Variants in DST observed in about 807,000 individuals in gnomAD.
DST encodes dystonin.
Under a neutral mutation model 875.2 loss-of-function variants are expected in DST, and 253 were observed. The ratio of observed to expected loss-of-function variants is 0.29; its 90% CI spans 0.26 to 0.32. The LOEUF is 0.32. DST is among the 10% of genes least tolerant of loss of function. DST has a pLI of 1.00. For missense variants in DST, 8,287 were observed against 9,111.6 expected, an observed-to-expected ratio of 0.91 and a Z score of 3.68; for synonymous variants, 3,124 against 3,197.1, an observed-to-expected ratio of 0.98 and a Z score of 0.77.
rs1300112254 is a variant in DST, at chr6:56,604,061, CCAT to C, written c.10564_10566del (p.Met3522del). 6.3e-7 allele frequency: 1 copy of C among 1,584,900 alleles called. No homozygotes were observed. Among genetic ancestry groups the C allele is most frequent in the South Asian group, 1.1e-5 (1 of 87,720 alleles). ...TCACCAAGAATATGTGGCTTTTCTT[CCAT>C]CATCTCAGATGTAGAACATGCTTTT... On this transcript the variant is annotated inframe_deletion, in exon 40 of 104. Transcript: ENST00000680361.
At position 56,907,092 on chromosome 6, in the gene DST, G is replaced by C. The variant is rs888051718; in HGVS notation, c.217-6471C>G. Among the ~76,000 whole-genome samples the C allele has an allele frequency of 2.6e-5, 4 of 152,244 alleles. No homozygotes were observed. In the East Asian group the frequency reaches 7.7e-4, roughly 29 times the overall value. The stretch of plus-strand genomic sequence containing the variant: ...GAATTCAAATTTCTCTGCTTGGACT[G>C]TGAATATTACATGGAGGCAAGTAAA... On this transcript the variant is annotated intron_variant, in intron 2 of 103. Coordinates refer to ENST00000680361, the MANE Select transcript of DST (RefSeq NM_001374736.1).
At chr6:56,742,335 C>G in intron 4 of DST, 1 of 1,289,770 alleles carries the variant, frequency 7.8e-7, no homozygotes, top group Non-Finnish European at 1.0e-6. Context: ...TGAGCTGCCC[C>G]ATCATTCTGC....
intron 4 of DST, among the ~76,000 whole-genome samples, chr6:56,737,593 T>A (rs1023953000): frequency 6.6e-6 from 1 of 152,216 alleles, no homozygotes; most frequent in Non-Finnish European, 1.5e-5. Context: ...ATTCTAATCA[T>A]CACGGAAATT....
intron 45 of DST, among the ~76,000 whole-genome samples, chr6:56,599,401 T>C (rs1007026666): frequency 6.6e-6 from 1 of 152,080 alleles, no homozygotes; most frequent in East Asian, 1.9e-4. Flanking sequence ...TTGAAAGAAA[T>C]CCTATTAATT....
At chr6:56,724,736 A>T (rs1170352170) in intron 5 of DST, among the ~76,000 whole-genome samples, 1 of 152,192 alleles carries the variant, frequency 6.6e-6, no homozygotes, top group East Asian at 1.9e-4. Context: ...CACATTCCTT[A>T]TTTAGAGCTC....
intron 4 of DST, among the ~76,000 whole-genome samples, chr6:56,814,657 C>T (rs934989719): frequency 3.3e-5 from 5 of 152,268 alleles, no homozygotes; most frequent in East Asian, 1.9e-4. Context: ...AATTGCACCA[C>T]GCCACAGAAC....
chr6:56,767,709 G>T (rs2099637573), intron 4 of DST, among the ~76,000 whole-genome samples: 1 of 152,016 alleles, frequency 6.6e-6, no homozygotes, highest in Admixed American at 6.6e-5. Flanking sequence ...ATAAAACAGA[G>T]CAGGTTAAGA....
chr6:56,921,802 T>C (rs1292861949), intron 2 of DST, among the ~76,000 whole-genome samples: 1 of 152,166 alleles, frequency 6.6e-6, no homozygotes, highest in Admixed American at 6.6e-5. Flanking sequence ...AAGGATCTTT[T>C]TGTTATTTCG....
In DST at chr6:56,532,488, T is replaced by C. The variant is rs1287323159; in HGVS notation, c.16964A>G (p.Asp5655Gly). ...GATTACCTCCACCGTAGATTTTCGG[T>C]CATCCAACAATCTCTGGAGAAGCTT... Reference protein sequence around the residue: ...EQKLLQRLLDDRKSTVEVIKR... With the variant: ...EQKLLQRLLDGRKSTVEVIKR... The change falls in exon 64 of 104, where the codon GAC becomes GGC. Residue 5655 changes from aspartate to glycine, a missense_variant. This residue lies in a region of DST where 777 missense variants were observed against 764.8 expected (regional missense o/e 1.02). Coordinates refer to ENST00000680361, the MANE Select transcript of DST (RefSeq NM_001374736.1). 6.2e-7 allele frequency: 1 copy of C among 1,603,742 alleles called. No individual in the cohort carries two copies.
intron 4 of DST, among the ~76,000 whole-genome samples, chr6:56,793,253 T>G (rs913783177): frequency 1.3e-5 from 2 of 152,006 alleles, no homozygotes; most frequent in Non-Finnish European, 2.9e-5. Context: ...TTCTTAGAGT[T>G]GAAAATGGTA....
intron 4 of DST, among the ~76,000 whole-genome samples, chr6:56,809,552 A>G (rs1484574699): frequency 6.6e-6 from 1 of 152,234 alleles, no homozygotes; most frequent in African/African-American, 2.4e-5. Context: ...GCAATATACT[A>G]TCTCTCATAG....
chr6:56,612,953 T>G (rs991292571), intron 37 of DST, among the ~76,000 whole-genome samples: 1 of 152,056 alleles, frequency 6.6e-6, no homozygotes, highest in African/African-American at 2.4e-5. Context: ...CACTTGAGCT[T>G]GGGAGGTTGC....
intron 2 of DST, among the ~76,000 whole-genome samples, chr6:56,919,975 T>TA (rs1405296390): frequency 6.6e-6 from 1 of 152,142 alleles, no homozygotes; most frequent in African/African-American, 2.4e-5. Context: ...AGGATATATA[T>TA]ATCTAAACAC....
intron 61 of DST, among the ~76,000 whole-genome samples, chr6:56,545,370 A>G (rs1257105972): frequency 6.6e-6 from 1 of 151,844 alleles, no homozygotes; most frequent in Non-Finnish European, 1.5e-5. Flanking sequence ...AAAATAGCCA[A>G]CACTATTATT....
At chr6:56,928,762 AAT>A (rs1222148576) in intron 2 of DST, among the ~76,000 whole-genome samples, 12 of 152,190 alleles carry the variant, frequency 7.9e-5, no homozygotes, top group African/African-American at 2.9e-4. Flanking sequence ...TAATGAAACC[AAT>A]AGCTTCACTT....
chr6:56,918,064 T>TTA (rs1286496881), intron 2 of DST, among the ~76,000 whole-genome samples: 2 of 152,162 alleles, frequency 1.3e-5, no homozygotes, highest in East Asian at 3.8e-4. Context: ...GGATCTTGTT[T>TTA]TATATATATG....
chr6:56,580,725 CTT>C (rs1167715487), intron 49 of DST, among the ~76,000 whole-genome samples: 5,875 of 120,914 alleles, frequency 0.049, 371 homozygotes, highest in African/African-American at 0.16. Flanking sequence ...TTTACTTTTT[CTT>C]TTTTTTTTTT....
intron 4 of DST, among the ~76,000 whole-genome samples, chr6:56,739,165 C>T (rs939346030): frequency 2.7e-5 from 4 of 148,972 alleles, no homozygotes; most frequent in Non-Finnish European, 5.9e-5. Context: ...AGATAGATGC[C>T]CATTGTGTGA....
intron 35 of DST, 62 bp downstream of exon 35, chr6:56,625,095 T>A (rs1277282406): frequency 1.7e-6 from 2 of 1,189,004 alleles, no homozygotes; most frequent in Non-Finnish European, 2.5e-6. Context: ...AAAAATAAAA[T>A]TTAAAAAGTA....
Sources: allele counts gnomAD v4.1 joint callset (sites outside exome capture counted in the v4.1 genomes callset), GRCh38; gene constraint gnomAD v4.1.1; regional missense constraint gnomAD v4.1.1; transcripts MANE v1.5; gene names NCBI Gene and HGNC (gene_info 2026-07-23, HGNC 2026-07-21).